The following KRIT1 variants were observed in gnomAD, a reference collection of about 807,000 sequenced individuals.
KRIT1 encodes the protein KRIT1 ankyrin repeat containing.
Under a neutral mutation model 95.8 loss-of-function variants are expected in KRIT1, and 45 were observed. The ratio of observed to expected loss-of-function variants is 0.47; its 90% CI spans 0.37 to 0.60. The LOEUF (loss-of-function observed/expected upper bound fraction) is 0.60. Among genes scored for constraint, KRIT1 ranks in the 20% least tolerant of loss-of-function variants. KRIT1 has a pLI of 0.00. For synonymous variants in KRIT1, 282 were observed against 278.8 expected, an observed-to-expected ratio of 1.01 and a Z score of -0.11; for missense variants, 788 against 877.5, an observed-to-expected ratio of 0.90 and a Z score of 1.29.
At chr7:92,209,217 A>AT (rs756460857) in intron 17 of KRIT1, among the ~76,000 whole-genome samples, 3 of 152,210 alleles carry the variant, frequency 2.0e-5, no homozygotes, top group Non-Finnish European at 4.4e-5. Context: ...GGCCATACAT[A>AT]TATGACAAAC....
At chr7:92,219,967 A>G (rs1397041425) in intron 14 of KRIT1, among the ~76,000 whole-genome samples, 1 of 152,204 alleles carries the variant, frequency 6.6e-6, no homozygotes, top group Non-Finnish European at 1.5e-5. Context: ...TGTTCAGCTT[A>G]TACCTTGAAA....
chr7:92,241,802 T>C (rs764339764), intron 4 of KRIT1, among the ~76,000 whole-genome samples: 49 of 152,318 alleles, frequency 3.2e-4, no homozygotes, highest in Non-Finnish European at 4.7e-4. Flanking sequence ...CTGAAAGCTA[T>C]ATATTGTAAG....
intron 10 of KRIT1, 22 bp from the exon 11 acceptor site, chr7:92,226,704 CA>C: frequency 6.2e-7 from 1 of 1,607,674 alleles, no homozygotes; most frequent in South Asian, 1.1e-5. Flanking sequence ...AACAAACAAA[CA>C]AAAAACAACA....
At chr7:92,222,382 C>A (rs1037918995) in intron 13 of KRIT1, among the ~76,000 whole-genome samples, 1 of 151,958 alleles carries the variant, frequency 6.6e-6, no homozygotes, top group African/African-American at 2.4e-5. Flanking sequence ...CCAATCACAT[C>A]GATCAAATTC....
At chr7:92,230,900 G>GA (rs1797144397) in intron 10 of KRIT1, among the ~76,000 whole-genome samples, 1 of 152,110 alleles carries the variant, frequency 6.6e-6, no homozygotes, top group Non-Finnish European at 1.5e-5. Context: ...CTTAGGAGTA[G>GA]AAACGTTTAG....
Position 92,226,692 on chromosome 7 carries a change from AAAAC to A in KRIT1, c.990-14_990-11del, listed in dbSNP as rs769773658. The A allele has an allele frequency of 1.4e-5, 23 of 1,611,962 alleles. No homozygotes were observed. The highest frequency in any genetic ancestry group is 5.3e-5 in the African/African-American group (4 of 74,862). On this transcript the variant is annotated splice_polypyrimidine_tract_variant and intron_variant, in intron 10 of 18. Transcript: ENST00000394505. ...CTCAACTTTTCCATACCTGTATAAA[AAAAC>A]AAACAAACAAAAAACAACAACAAAA... is the stretch of plus-strand genomic sequence containing the variant.
chr7:92,230,575 TGAAAGGAAGGAA>T (rs1797071695), intron 10 of KRIT1, among the ~76,000 whole-genome samples: 3 of 151,942 alleles, frequency 2.0e-5, no homozygotes, highest in Admixed American at 6.6e-5. Context: ...AATCTGGCTG[TGAAAGGAAGGAA>T]AGAAACAGGA....
intron 17 of KRIT1, among the ~76,000 whole-genome samples, chr7:92,205,068 C>T (rs1007432617): frequency 3.9e-5 from 6 of 152,110 alleles, no homozygotes; most frequent in Non-Finnish European, 8.8e-5. Context: ...CATAAAGGGG[C>T]GAGCACGGTG....
In KRIT1 at chr7:92,226,389, G is replaced by A. The variant is rs117506687; in HGVS notation, c.1146+137C>T. On this transcript the variant is annotated intron_variant, in intron 11 of 18. Coordinates refer to ENST00000394505, the MANE Select transcript of KRIT1 (RefSeq NM_194454.3). ...CTACAAAGTACAACTCATATATTCC[G>A]TTACTTATTCTATAAAGTAATGGAA... The A allele has an allele frequency of 1.5e-3, 1,044 of 709,676 alleles. 11 individuals carry two copies. In the East Asian group the frequency reaches 0.026, roughly 18 times the overall value. The allele number at this position is 709,676 out of a possible 1,614,324, so 44.0% of individuals were successfully genotyped here.
chr7:92,219,050 G>T (rs1584848080), intron 14 of KRIT1, among the ~76,000 whole-genome samples: 1 of 152,214 alleles, frequency 6.6e-6, no homozygotes, highest in Admixed American at 6.5e-5. Flanking sequence ...ACCCAGGCTG[G>T]AGTACAGTGG....
In KRIT1 at chr7:92,200,421, C is replaced by A; in HGVS notation, c.*315G>T. On this transcript the variant is annotated 3_prime_UTR_variant, in exon 19 of 19. Transcript: ENST00000394505. ...CCAGGCTAGCGTGCCGTGGTGCAAT[C>A]TTGGCTCACTACAACCTCCACCTCC... 1 of 329,136 alleles carries A rather than the reference C, an allele frequency of 3.0e-6. No individual in the cohort carries two copies. Among genetic ancestry groups the A allele is most frequent in the Non-Finnish European group, 5.8e-6 (1 of 171,910 alleles). The allele number at this position is 329,136 out of a possible 1,614,324, so 20.4% of individuals were successfully genotyped here.
At chr7:92,213,740 TG>T (rs1793370190) in intron 16 of KRIT1, 151 bp downstream of exon 16, 1 of 633,548 alleles carries the variant, frequency 1.6e-6, no homozygotes, top group African/African-American at 1.8e-5. Context: ...AAAAATATCT[TG>T]CTACTTTCAA....
chr7:92,200,433 C>T lies in KRIT1; in HGVS notation c.*303G>A. The T allele has an allele frequency of 2.8e-6, 1 of 359,772 alleles. No homozygotes were observed. Among genetic ancestry groups the T allele is most frequent in the Non-Finnish European group, 5.3e-6 (1 of 187,920 alleles). 22.3% of individuals were successfully genotyped at this position (359,772 alleles called of 1,614,324 possible). ...GCCGTGGTGCAATCTTGGCTCACTA[C>T]AACCTCCACCTCCTGGGTTTAAGCG... On this transcript the variant is annotated 3_prime_UTR_variant, in exon 19 of 19. Transcript: ENST00000394505.
chr7:92,240,670 T>A (rs1204538086), intron 5 of KRIT1, among the ~76,000 whole-genome samples: 1 of 152,220 alleles, frequency 6.6e-6, no homozygotes, highest in East Asian at 1.9e-4. Context: ...CATTAACTTT[T>A]ACTTAGTTTT....
At chr7:92,219,797 C>CT (rs1241664260) in intron 14 of KRIT1, among the ~76,000 whole-genome samples, 4 of 152,152 alleles carry the variant, frequency 2.6e-5, no homozygotes, top group African/African-American at 9.7e-5. Context: ...GTTATCAGGT[C>CT]TTATTTTTCA....
chr7:92,234,381 A>G (rs1165770033), intron 10 of KRIT1, 68 bp downstream of exon 10: 1 of 1,211,864 alleles, frequency 8.3e-7, no homozygotes, highest in East Asian at 2.5e-5. Flanking sequence ...AGTCTTGAAA[A>G]GAAGGACTAA....
At position 92,236,528 on chromosome 7, in the gene KRIT1, T is replaced by C. The variant is rs766114156; in HGVS notation, c.370A>G (p.Thr124Ala). 7.1e-6 allele frequency: 11 copies of C among 1,544,648 alleles called. No homozygotes were observed. The highest frequency in any genetic ancestry group is 9.8e-6 in the Non-Finnish European group (11 of 1,117,562). The change falls in exon 7 of 19, where the codon ACA becomes GCA. Residue 124 changes from threonine to alanine, a missense_variant. Coordinates refer to ENST00000394505, the MANE Select transcript of KRIT1 (RefSeq NM_194454.3). ...AAAATTGGGCATCCTGGGGTATATG[T>C]GTATTTAGTATTATCTGAAAAAGAA... ...PSVVKDNTKYTYTPGCPIFYC... is the reference protein window; with the variant it reads ...PSVVKDNTKYAYTPGCPIFYC...
chr7:92,212,468 G>A (rs970579005), intron 17 of KRIT1, among the ~76,000 whole-genome samples: 3 of 152,124 alleles, frequency 2.0e-5, no homozygotes, highest in Non-Finnish European at 2.9e-5. Flanking sequence ...GAGCCTTTGA[G>A]AAGTAATTAT....
chr7:92,212,861 A>C (rs1793160721), intron 17 of KRIT1, among the ~76,000 whole-genome samples: 1 of 152,220 alleles, frequency 6.6e-6, no homozygotes, highest in Non-Finnish European at 1.5e-5. Flanking sequence ...TTATGTAAAA[A>C]TCATCCTCAT....
Sources: allele counts gnomAD v4.1 joint callset (sites outside exome capture counted in the v4.1 genomes callset), GRCh38; gene constraint gnomAD v4.1.1; transcripts MANE v1.5; gene names NCBI Gene and HGNC (gene_info 2026-07-23, HGNC 2026-07-21).